The following PIP5K1B variants were observed in gnomAD, a reference collection of about 807,000 sequenced individuals.
PIP5K1B encodes phosphatidylinositol-4-phosphate 5-kinase type 1 beta, also known as phosphatidylinositol 4-phosphate 5-kinase type-1 beta.
Under a neutral mutation model 67.0 loss-of-function variants are expected in PIP5K1B, and 42 were observed. The ratio of observed to expected loss-of-function variants is 0.63; its 90% CI spans 0.49 to 0.81. The LOEUF is 0.81. Among genes scored for constraint, PIP5K1B ranks in the 30% least tolerant of loss-of-function variants. The pLI, the probability that PIP5K1B is intolerant of heterozygous loss-of-function variation, is 0.00. For missense variants in PIP5K1B, 459 were observed against 646.3 expected, an observed-to-expected ratio of 0.71 and a Z score of 3.14; for synonymous variants, 214 against 231.4, an observed-to-expected ratio of 0.92 and a Z score of 0.68.
At chr9:68,779,225 G>A (rs577654709) in intron 2 of PIP5K1B, among the ~76,000 whole-genome samples, 96 of 152,094 alleles carry the variant, frequency 6.3e-4, no homozygotes, top group African/African-American at 2.1e-3. Flanking sequence ...GCCAAGAATT[G>A]TGGTTTCATT....
At chr9:68,923,066 C>G (rs1226360186) in intron 11 of PIP5K1B, among the ~76,000 whole-genome samples, 2 of 152,128 alleles carry the variant, frequency 1.3e-5, no homozygotes, top group Non-Finnish European at 2.9e-5. Context: ...GCTGACTCTC[C>G]TCTGCTCAGT....
At chr9:68,777,733 A>T (rs372639357) in intron 2 of PIP5K1B, among the ~76,000 whole-genome samples, 1 of 152,248 alleles carries the variant, frequency 6.6e-6, no homozygotes, top group African/African-American at 2.4e-5. Flanking sequence ...GTTTATCCAG[A>T]CATGGACGAA....
chr9:68,860,580 A>G (rs1233549668), intron 4 of PIP5K1B, among the ~76,000 whole-genome samples: 2 of 152,232 alleles, frequency 1.3e-5, no homozygotes, highest in African/African-American at 4.8e-5. Context: ...ATTCATACTT[A>G]AAAGAGAACT....
chr9:68,919,424 A>G (rs1360841492), intron 9 of PIP5K1B, 55 bp from the exon 10 acceptor site: 4 of 839,762 alleles, frequency 4.8e-6, no homozygotes, highest in Non-Finnish European at 7.5e-6. Flanking sequence ...TGATTTTTTA[A>G]CTTCCTATTC....
chr9:68,884,244 G>A (rs910407581), intron 6 of PIP5K1B, among the ~76,000 whole-genome samples: 1 of 151,540 alleles, frequency 6.6e-6, no homozygotes, highest in Non-Finnish European at 1.5e-5. Flanking sequence ...TGCAAATAAC[G>A]CATCAGGTAA....
rs188018624 is a variant in PIP5K1B, at chr9:68,862,470, G to A, written c.70-1367G>A. Reference sequence around the variant, plus strand: ...ATAGCAAATACAATATGAGAGGTCAGAGAAGAAGTGACAGGAGAGACTATA... The same window carrying A: ...ATAGCAAATACAATATGAGAGGTCAAAGAAGAAGTGACAGGAGAGACTATA... On this transcript the variant is annotated intron_variant, in intron 4 of 15. Transcript: ENST00000265382. Among the ~76,000 whole-genome samples the A allele has an allele frequency of 5.1e-4, 78 of 152,256 alleles. No homozygotes were observed. In the East Asian group the frequency reaches 0.014, roughly 26 times the overall value.
chr9:68,734,092 G>A (rs1324030140), intron 1 of PIP5K1B, among the ~76,000 whole-genome samples: 3 of 152,106 alleles, frequency 2.0e-5, no homozygotes, highest in Admixed American at 2.0e-4. Flanking sequence ...TTATTCTTCA[G>A]CATTTTCAGC....
chr9:68,728,925 C>T (rs950520180), intron 1 of PIP5K1B: 16 of 152,162 alleles, frequency 1.1e-4, no homozygotes, highest in African/African-American at 3.9e-4. Context: ...CTGGGGAAGT[C>T]AAGCCTTCTG....
At chr9:68,806,782 ACTC>A (rs1832891870) in intron 2 of PIP5K1B, among the ~76,000 whole-genome samples, 1 of 151,662 alleles carries the variant, frequency 6.6e-6, no homozygotes, top group Non-Finnish European at 1.5e-5. Flanking sequence ...TCTCCTCTGA[ACTC>A]CTTTTAGTTT....
intron 2 of PIP5K1B, among the ~76,000 whole-genome samples, chr9:68,750,452 T>G (rs1829567913): frequency 6.6e-6 from 1 of 152,276 alleles, no homozygotes; most frequent in Admixed American, 6.5e-5. Flanking sequence ...GTGACGTAGC[T>G]GTTGCATTCA....
rs5898051 is a variant in PIP5K1B, at chr9:68,920,359, C to CTTTTTTTT, written c.1116+649_1116+656dup. On this transcript the variant is annotated intron_variant, in intron 11 of 15. Coordinates refer to ENST00000265382, the MANE Select transcript of PIP5K1B (RefSeq NM_003558.4). ...ATACATGCTGGCTGCCTGAGGTTGT[C>CTTTTTTTT]TTTTTTTTTTTTTTTTTTTTTTTTT... Among the ~76,000 whole-genome samples the CTTTTTTTT allele has an allele frequency of 8.9e-4, 88 of 98,370 alleles. 37 individuals carry two copies. Among genetic ancestry groups the CTTTTTTTT allele is most frequent in the African/African-American group, 1.7e-3 (47 of 27,488 alleles). 64.5% of individuals were successfully genotyped at this position (98,370 alleles called of 152,430 possible).
chr9:68,901,001 T>G (rs1026915068), intron 8 of PIP5K1B, among the ~76,000 whole-genome samples: 2 of 152,236 alleles, frequency 1.3e-5, no homozygotes, highest in African/African-American at 4.8e-5. Context: ...ATAATTTTGC[T>G]GGTAGTAAAC....
chr9:68,729,384 A>G (rs1006630160), intron 1 of PIP5K1B, among the ~76,000 whole-genome samples: 1 of 152,154 alleles, frequency 6.6e-6, no homozygotes, highest in African/African-American at 2.4e-5. Flanking sequence ...AGGGCAAAGC[A>G]TATCTTGGTT....
At chr9:68,870,926 G>A (rs1388337566) in intron 5 of PIP5K1B, among the ~76,000 whole-genome samples, 3 of 152,224 alleles carry the variant, frequency 2.0e-5, no homozygotes, top group Non-Finnish European at 4.4e-5. Context: ...AATGGAAAAT[G>A]CTGCTCTAGA....
chr9:68,747,688 A>G (rs992589605), intron 2 of PIP5K1B, among the ~76,000 whole-genome samples: 15 of 152,174 alleles, frequency 9.9e-5, no homozygotes, highest in Admixed American at 4.6e-4. Flanking sequence ...GCGAATTTTA[A>G]AATTGTAGAT....
intron 4 of PIP5K1B, among the ~76,000 whole-genome samples, chr9:68,858,154 A>C (rs1822879315): frequency 6.6e-6 from 1 of 151,994 alleles, no homozygotes; most frequent in Non-Finnish European, 1.5e-5. Context: ...TTGTATTTTT[A>C]GTAGAGACGC....
chr9:68,935,095 T>G (rs1827184322), intron 13 of PIP5K1B, 50 bp downstream of exon 13: 7 of 1,493,320 alleles, frequency 4.7e-6, no homozygotes, highest in Non-Finnish European at 6.4e-6. Flanking sequence ...GTGATTTATT[T>G]ATACAAGTAA....
intron 14 of PIP5K1B, among the ~76,000 whole-genome samples, chr9:68,943,560 A>C (rs992826450): frequency 1.3e-5 from 2 of 152,100 alleles, no homozygotes; most frequent in Non-Finnish European, 2.9e-5. Context: ...GAGCCCACCT[A>C]GTCCTATGTG....
At chr9:68,773,825 G>A (rs1830778990) in intron 2 of PIP5K1B, among the ~76,000 whole-genome samples, 4 of 151,958 alleles carry the variant, frequency 2.6e-5, no homozygotes, top group African/African-American at 2.4e-5. Flanking sequence ...TGTACTTAAC[G>A]GGCCCTCAAT....
Sources: allele counts gnomAD v4.1 joint callset (sites outside exome capture counted in the v4.1 genomes callset), GRCh38; gene constraint gnomAD v4.1.1; transcripts MANE v1.5; gene names NCBI Gene and HGNC (gene_info 2026-07-23, HGNC 2026-07-21).